EIF3H: variants seen among roughly 807,000 people sequenced by gnomAD.
EIF3H encodes the protein eIF-3-gamma.
EIF3H carries 26 observed loss-of-function variants against 44.2 expected under a neutral mutation model. The observed-to-expected ratio is 0.59, with a 90% CI of 0.43 to 0.82. The LOEUF (loss-of-function observed/expected upper bound fraction) is 0.82. Ranked by LOEUF, EIF3H falls within the 40% of genes least tolerant of loss-of-function variation. The pLI is 0.00. For missense variants in EIF3H, 359 were observed against 432.8 expected (o/e 0.83, Z 1.51); for synonymous variants, 166 against 151.9 (o/e 1.09, Z -0.68).
At chr8:116,752,724 G>GAAAGAAAGAGAA (rs1815368953) in intron 1 of EIF3H, among the ~76,000 whole-genome samples, 7 of 120,384 alleles carry the variant, frequency 5.8e-5, no homozygotes, top group Non-Finnish European at 8.5e-5. Flanking sequence ...AAGAAAGAAA[G>GAAAGAAAGAGAA]AAAGAAAGAA....
intron 1 of EIF3H, among the ~76,000 whole-genome samples, chr8:116,730,397 G>A (rs963190590): frequency 1.3e-5 from 2 of 152,162 alleles, no homozygotes; most frequent in Non-Finnish European, 2.9e-5. Flanking sequence ...TCTAATGCCT[G>A]ACAATCTGAA....
intron 2 of EIF3H, among the ~76,000 whole-genome samples, chr8:116,703,461 C>T (rs76569317): frequency 0.049 from 7,466 of 152,300 alleles, 320 homozygotes; most frequent in Admixed American, 0.15. Flanking sequence ...TGACCATCTC[C>T]CTGTGATGCT....
Position 116,644,951 on chromosome 8 carries a change from C to T in EIF3H, c.*55G>A. On this transcript the variant is annotated 3_prime_UTR_variant, in exon 8 of 8. Coordinates refer to ENST00000521861, the MANE Select transcript of EIF3H (RefSeq NM_003756.3). ...GCAAATATATTTCTTCCAAGAGTTGCCCTGGTGTGACTTCAAGAGTTCATG... is the reference window on the plus strand; with the variant it reads ...GCAAATATATTTCTTCCAAGAGTTGTCCTGGTGTGACTTCAAGAGTTCATG... The T allele has an allele frequency of 7.3e-7, 1 of 1,365,352 alleles. No homozygotes were observed. Among genetic ancestry groups the T allele is most frequent in the Non-Finnish European group, 1.0e-6 (1 of 960,796 alleles). The allele number at this position is 1,365,352 out of a possible 1,614,324, so 84.6% of individuals were successfully genotyped here. A position where few individuals can be genotyped will look rare whatever the true frequency, so the allele number is the denominator to read the frequency against.
intron 2 of EIF3H, among the ~76,000 whole-genome samples, chr8:116,667,115 T>C (rs1030354204): frequency 3.3e-5 from 5 of 152,162 alleles, no homozygotes; most frequent in Non-Finnish European, 4.4e-5. Context: ...GGCAGAGACT[T>C]GAACAAAGTG....
At chr8:116,733,887 A>C (rs1814989964) in intron 1 of EIF3H, among the ~76,000 whole-genome samples, 1 of 152,190 alleles carries the variant, frequency 6.6e-6, no homozygotes, top group Non-Finnish European at 1.5e-5. Flanking sequence ...TTTTGTAAAA[A>C]ATCTACATTT....
intron 2 of EIF3H, among the ~76,000 whole-genome samples, chr8:116,663,930 CAAAAAAA>C (rs779193805): frequency 1.4e-4 from 11 of 76,212 alleles, no homozygotes; most frequent in Non-Finnish European, 2.7e-4. Context: ...GACTCAGTCT[CAAAAAAA>C]AAAAAAAAAA....
intron 2 of EIF3H, among the ~76,000 whole-genome samples, chr8:116,681,245 C>T (rs1489319775): frequency 6.6e-6 from 1 of 152,056 alleles, no homozygotes; most frequent in Non-Finnish European, 1.5e-5. Context: ...CGCCTGTAGT[C>T]CTAGCTATTC....
chr8:116,683,359 T>C (rs1047999177), intron 2 of EIF3H, among the ~76,000 whole-genome samples: 1 of 152,194 alleles, frequency 6.6e-6, no homozygotes, highest in African/African-American at 2.4e-5. Context: ...AGACCCTTCC[T>C]GGCTTGCAGA....
At chr8:116,759,342 A>C (rs1263889483), upstream of EIF3H, among the ~76,000 whole-genome samples, 2 of 152,208 alleles carry the variant, frequency 1.3e-5, no homozygotes, top group Non-Finnish European at 2.9e-5. Flanking sequence ...GGGGACAGGA[A>C]GCAGAGGATA....
upstream of EIF3H, among the ~76,000 whole-genome samples, chr8:116,756,999 G>A (rs1412375371): frequency 6.6e-6 from 1 of 152,174 alleles, no homozygotes; most frequent in African/African-American, 2.4e-5. Context: ...AGAAAACAGT[G>A]AGGCTACTTA....
At chr8:116,655,754 T>C in intron 5 of EIF3H, 102 bp downstream of exon 5, 1 of 1,269,114 alleles carries the variant, frequency 7.9e-7, no homozygotes, top group Non-Finnish European at 1.1e-6. Flanking sequence ...CTATAAACGT[T>C]CTTAAGTAAC....
intron 1 of EIF3H, among the ~76,000 whole-genome samples, chr8:116,742,558 A>G (rs905033983): frequency 2.6e-5 from 4 of 152,204 alleles, no homozygotes; most frequent in Non-Finnish European, 5.9e-5. Context: ...CTTTCTCATA[A>G]AACAAAAAAC....
At chr8:116,707,847 T>C (rs1167193959) in intron 2 of EIF3H, among the ~76,000 whole-genome samples, 1 of 152,188 alleles carries the variant, frequency 6.6e-6, no homozygotes, top group Non-Finnish European at 1.5e-5. Flanking sequence ...CCTATTATTA[T>C]TCAGACCATT....
At chr8:116,749,477 T>C (rs1815292550) in intron 1 of EIF3H, among the ~76,000 whole-genome samples, 1 of 152,174 alleles carries the variant, frequency 6.6e-6, no homozygotes, top group Non-Finnish European at 1.5e-5. Context: ...GGATCATACT[T>C]TGAATAGCAA....
chr8:116,739,787 C>T (rs570773938), intron 1 of EIF3H, among the ~76,000 whole-genome samples: 7 of 152,310 alleles, frequency 4.6e-5, no homozygotes, highest in African/African-American at 1.7e-4. Context: ...CCTCTAGCGC[C>T]GCTGGGTTAG....
At chr8:116,726,215 G>A in intron 1 of EIF3H, 43 bp from the exon 2 acceptor site, 4 of 1,546,340 alleles carry the variant, frequency 2.6e-6, no homozygotes, top group Non-Finnish European at 3.5e-6. Flanking sequence ...AACCATCCTA[G>A]TTTATTATTT....
At chr8:116,736,893 T>A (rs529897707) in intron 1 of EIF3H, among the ~76,000 whole-genome samples, 73 of 152,308 alleles carry the variant, frequency 4.8e-4, no homozygotes, top group African/African-American at 1.8e-3. Context: ...TTGACTCATG[T>A]TTTTAATAAA....
At chr8:116,728,693 GA>G (rs1363034429) in intron 1 of EIF3H, among the ~76,000 whole-genome samples, 10 of 152,106 alleles carry the variant, frequency 6.6e-5, no homozygotes, top group Admixed American at 3.9e-4. Flanking sequence ...ATTCCTGTAT[GA>G]AAGACCTCTC....
chr8:116,737,482 C>T (rs898997920), intron 1 of EIF3H, among the ~76,000 whole-genome samples: 3 of 151,862 alleles, frequency 2.0e-5, no homozygotes, highest in Admixed American at 2.0e-4. Context: ...ATGGTGAAAC[C>T]CATCTCTACT....
Sources: gnomAD v4.1 joint callset for allele counts (sites outside exome capture counted in the v4.1 genomes callset) on GRCh38, gnomAD v4.1.1 for gene constraint, MANE v1.5 for transcripts, NCBI Gene and HGNC (gene_info 2026-07-23, HGNC 2026-07-21) for gene names.